The following FAM83G variants were observed in gnomAD, a reference collection of about 807,000 sequenced individuals.
The protein encoded by FAM83G is protein FAM83G.
A neutral mutation model predicts 61.5 loss-of-function variants in FAM83G; 38 were observed. The ratio of observed to expected loss-of-function variants is 0.62; its 90% confidence interval spans 0.48 to 0.81. The LOEUF (loss-of-function observed/expected upper bound fraction) is 0.81, where lower values mean the gene tolerates loss of function less well. Among genes scored for constraint, FAM83G ranks in the 30% least tolerant of loss-of-function variants. The pLI is 0.00. For synonymous variants in FAM83G, 470 were observed against 476.1 expected (o/e 0.99, Z 0.17); for missense variants, 989 against 1,133.6 (o/e 0.87, Z 1.83).
At chr17:19,002,490 C>A (rs1448127546) in intron 2 of FAM83G, among the ~76,000 whole-genome samples, 1 of 152,262 alleles carries the variant, frequency 6.6e-6, no homozygotes, top group Non-Finnish European at 1.5e-5. Context: ...TGGTCTTCTG[C>A]AATTGGCTGC....
chr17:18,992,283 G>A (rs899360978), intron 2 of FAM83G, among the ~76,000 whole-genome samples: 2 of 152,150 alleles, frequency 1.3e-5, no homozygotes, highest in East Asian at 1.9e-4. Context: ...GGGGACATCC[G>A]CCTCCATGTG....
At chr17:18,980,280 G>C (rs2043097232) in intron 3 of FAM83G, among the ~76,000 whole-genome samples, 1 of 152,102 alleles carries the variant, frequency 6.6e-6, no homozygotes, top group Non-Finnish European at 1.5e-5. Flanking sequence ...CCTTCCCCAT[G>C]GCCAGGACAC....
Position 19,004,190 on chromosome 17 carries a change from G to T in FAM83G, c.-128-21C>A, listed in dbSNP as rs868297364. The T allele has an allele frequency of 1.1e-5, 5 of 459,230 alleles. No individual in the cohort carries two copies. Among genetic ancestry groups the T allele is most frequent in the Middle Eastern group, 7.4e-4 (1 of 1,356 alleles). 28.4% of individuals were successfully genotyped at this position (459,230 alleles called of 1,614,324 possible). A position where few individuals can be genotyped will look rare whatever the true frequency, so the allele number is the denominator to read the frequency against. On this transcript the variant is annotated intron_variant, in intron 1 of 5. Coordinates refer to ENST00000388995, the MANE Select transcript of FAM83G (RefSeq NM_001039999.3). The surrounding 1 kb of genome is among the most constrained non-coding windows in gnomAD (Gnocchi z 5.4). ...GCAATCTGCGGGAAAGACCTGATGA[G>T]CCCGGCTCGGCGGGGAGGGCGGGCC...
At chr17:18,979,772 G>T (rs1006916912) in intron 3 of FAM83G, 99 bp from the exon 4 acceptor site, 2 of 1,349,586 alleles carry the variant, frequency 1.5e-6, no homozygotes, top group East Asian at 4.6e-5. Context: ...GGGGACTCTG[G>T]AGTAGTCAGG....
chr17:18,974,872 G>C (rs1487880681), intron 5 of FAM83G, among the ~76,000 whole-genome samples: 1 of 152,152 alleles, frequency 6.6e-6, no homozygotes, highest in African/African-American at 2.4e-5. Context: ...CCAGTGCTGG[G>C]AGGTGGGGGT....
intron 2 of FAM83G, among the ~76,000 whole-genome samples, chr17:18,989,661 C>A (rs545804787): frequency 1.3e-5 from 2 of 152,212 alleles, no homozygotes; most frequent in South Asian, 4.1e-4. Context: ...GGGGCTGGGG[C>A]GGGGGCTCGG....
In FAM83G at chr17:18,977,802, C is replaced by T. The variant is rs2152008719; in HGVS notation, c.1864G>A (p.Val622Met). Residue 622 changes from valine (V) to methionine (M), a missense_variant, in exon 5 of 6, where the codon GTG becomes ATG. Transcript: ENST00000388995. ...CGGAGAGGGACTGAGTGCTCTCTCACCTCGAAGTACTCCTCTGACACAGAG... is the reference window on the plus strand; with the variant it reads ...CGGAGAGGGACTGAGTGCTCTCTCATCTCGAAGTACTCCTCTGACACAGAG... ...ASSVSEEYFEVREHSVPLRRR... is the reference protein window; with the variant it reads ...ASSVSEEYFEMREHSVPLRRR... 6.2e-7 allele frequency: 1 copy of T among 1,603,492 alleles called. No individual in the cohort carries two copies. The highest frequency in any genetic ancestry group is 1.7e-5 in the Admixed American group (1 of 59,324).
intron 2 of FAM83G, among the ~76,000 whole-genome samples, chr17:18,998,705 G>C (rs1330300183): frequency 6.6e-6 from 1 of 152,204 alleles, no homozygotes; most frequent in African/African-American, 2.4e-5. Context: ...CCTTTGGAGC[G>C]CACAGGAGTT....
Position 18,971,213 on chromosome 17 carries a change from G to A in FAM83G, c.*146C>T, listed in dbSNP as rs751392060. The A allele has an allele frequency of 2.2e-5, 36 of 1,613,734 alleles. No homozygotes were observed. Among genetic ancestry groups the A allele is most frequent in the African/African-American group, 4.0e-5 (3 of 74,938 alleles). ...CATGGCCACCTGGTACTGGTGCACC[G>A]ACCAGGTGAGTGCCAACGTCTCCCG... On this transcript the variant is annotated 3_prime_UTR_variant, in exon 6 of 6. Coordinates refer to ENST00000388995, the MANE Select transcript of FAM83G (RefSeq NM_001039999.3). The surrounding 1 kb of genome is among the most constrained non-coding windows in gnomAD (Gnocchi z 5.5).
At chr17:18,988,485 G>T in intron 2 of FAM83G, 71 bp from the exon 3 acceptor site, 1 of 1,580,248 alleles carries the variant, frequency 6.3e-7, no homozygotes, top group Non-Finnish European at 8.6e-7. Flanking sequence ...CTGGCAGAGC[G>T]CACAGCCCTC....
At position 19,004,340 on chromosome 17, in the gene FAM83G, C is replaced by A. The variant is rs2043821711; in HGVS notation, c.-128-171G>T. 1 of 327,906 alleles carries A rather than the reference C, an allele frequency of 3.0e-6. No homozygotes were observed. The highest frequency in any genetic ancestry group is 4.5e-5 in the South Asian group (1 of 22,172). 20.3% of individuals were successfully genotyped at this position (327,906 alleles called of 1,614,324 possible). The stretch of plus-strand genomic sequence containing the variant: ...CTGGGATGGGAAGAAAGTAAGGGAT[C>A]GGAACAGCGGTGAGGGAGCGGTGGG... On this transcript the variant is annotated intron_variant, in intron 1 of 5. Transcript: ENST00000388995. The surrounding 1 kb of genome is among the most constrained non-coding windows in gnomAD (Gnocchi z 5.4).
Position 19,003,858 on chromosome 17 carries a change from G to A in FAM83G, c.184C>T (p.Leu62=). Residue 62 remains leucine, a synonymous_variant, in exon 2 of 6, where the codon CTG becomes TTG. Transcript: ENST00000388995. This position sits in a 1 kb window ranked among gnomAD's most constrained non-coding sequence, Gnocchi z 4.5. Reference sequence around the variant, plus strand: ...GTCTCCAGGATGCGCTTGAGCTCCAGCTCCGAGAGGAAGTCTCGGATGTTC... The same window carrying A: ...GTCTCCAGGATGCGCTTGAGCTCCAACTCCGAGAGGAAGTCTCGGATGTTC... The part of the protein sequence containing the change: ...RENIRDFLSE[L]ELKRILETIE... 6.2e-7 allele frequency: 1 copy of A among 1,613,072 alleles called. No homozygotes were observed. Among genetic ancestry groups the A allele is most frequent in the Non-Finnish European group, 8.5e-7 (1 of 1,179,936 alleles).
chr17:18,977,732 G>T lies in FAM83G; in HGVS notation c.1934C>A (p.Pro645Gln). Residue 645 changes from proline (P) to glutamine (Q), a missense_variant, in exon 5 of 6, where the codon CCG (proline) becomes CAG (glutamine). Transcript: ENST00000388995. ...ATGGGGGGCACTCAGCTGCCGGCGC[G>T]GTGGTGGGGTTGGCCCGTTGGCCAC... ...EQVANGPTPP[P>Q]RRQLSAPHIT... 6.2e-7 allele frequency: 1 copy of T among 1,607,914 alleles called. No homozygotes were observed.
intron 5 of FAM83G, 85 bp downstream of exon 5, chr17:18,977,499 G>A: frequency 7.6e-7 from 1 of 1,319,830 alleles, no homozygotes; most frequent in Non-Finnish European, 1.0e-6. Flanking sequence ...CAGGGACATG[G>A]TAGCCCAGAA....
intron 2 of FAM83G, among the ~76,000 whole-genome samples, chr17:19,002,810 C>T (rs1021453485): frequency 7.9e-5 from 12 of 152,124 alleles, no homozygotes; most frequent in African/African-American, 2.9e-4. Context: ...ACTGCATAGC[C>T]CAACAGGGGT....
Position 18,969,550 on chromosome 17 carries a change from G to A in FAM83G, c.*1809C>T. On this transcript the variant is annotated 3_prime_UTR_variant, in exon 6 of 6. Transcript: ENST00000388995. The stretch of plus-strand genomic sequence containing the variant: ...GGGTAGCATCGCTGGGAGTGGGTGG[G>A]TTCAGGAGGTTGAGCCACTAGGCAG... 1.2e-6 allele frequency: 1 copy of A among 842,626 alleles called. No homozygotes were observed. 52.2% of individuals were successfully genotyped at this position (842,626 alleles called of 1,614,324 possible).
intron 2 of FAM83G, among the ~76,000 whole-genome samples, chr17:18,994,598 A>G (rs192497859): frequency 5.9e-5 from 9 of 152,294 alleles, no homozygotes; most frequent in Non-Finnish European, 1.0e-4. Flanking sequence ...TGGCTGGAAC[A>G]ATTGCTGGTG....
At chr17:18,987,387 G>A (rs994768791) in intron 3 of FAM83G, among the ~76,000 whole-genome samples, 2 of 152,184 alleles carry the variant, frequency 1.3e-5, no homozygotes, top group African/African-American at 2.4e-5. Context: ...AGGGCCTGGC[G>A]CACGGCCAAT....
intron 2 of FAM83G, among the ~76,000 whole-genome samples, chr17:18,998,265 CCTGT>C (rs752660464): frequency 2.6e-5 from 4 of 152,244 alleles, no homozygotes; most frequent in African/African-American, 4.8e-5. Flanking sequence ...TTTGGATGCT[CCTGT>C]CTATCACTGC....
Sources: allele counts gnomAD v4.1 joint callset (sites outside exome capture counted in the v4.1 genomes callset), GRCh38; gene constraint gnomAD v4.1.1; non-coding constraint Gnocchi (gnomAD v3.1); transcripts MANE v1.5; gene names NCBI Gene and HGNC (gene_info 2026-07-23, HGNC 2026-07-21).